Variants in ANKRD6 observed in about 807,000 individuals in gnomAD.
The protein encoded by ANKRD6 is ankyrin repeat domain 6.
Under a neutral mutation model 82.3 loss-of-function variants are expected in ANKRD6, and 56 were observed. The observed-to-expected ratio is 0.68, with a 90% confidence interval of 0.55 to 0.85. ANKRD6 has a LOEUF of 0.85. Ranked by LOEUF, ANKRD6 falls within the 40% of genes least tolerant of loss-of-function variation. The pLI, the probability that ANKRD6 is intolerant of heterozygous loss-of-function variation, is 0.00. For missense variants in ANKRD6, 852 were observed against 907.6 expected, an observed-to-expected ratio of 0.94 and a Z score of 0.79; for synonymous variants, 347 against 352.1, an observed-to-expected ratio of 0.99 and a Z score of 0.16.
chr6:89,480,663 G>C (rs1776677086), intron 1 of ANKRD6, among the ~76,000 whole-genome samples: 1 of 150,870 alleles, frequency 6.6e-6, no homozygotes, highest in Admixed American at 6.6e-5. Flanking sequence ...ATGCAAAGTT[G>C]GCTAGAAATA....
chr6:89,541,387 CT>C (rs58643589), intron 1 of ANKRD6, among the ~76,000 whole-genome samples: 4,903 of 63,580 alleles, frequency 0.077, 11 homozygotes, highest in Non-Finnish European at 0.087. Flanking sequence ...TTACGTGTGG[CT>C]TTTTTTTTTT....
chr6:89,525,337 T>C (rs931905797), intron 1 of ANKRD6, among the ~76,000 whole-genome samples: 1 of 148,196 alleles, frequency 6.7e-6, no homozygotes, highest in African/African-American at 2.5e-5. Flanking sequence ...GCTCCCTCCC[T>C]AAAGACCTGC....
At chr6:89,449,059 A>G (rs1200926025) in intron 1 of ANKRD6, among the ~76,000 whole-genome samples, 1 of 151,542 alleles carries the variant, frequency 6.6e-6, no homozygotes, top group Non-Finnish European at 1.5e-5. Context: ...AAAGAAATAC[A>G]TTTTGTAAGG....
At chr6:89,605,918 T>G in intron 4 of ANKRD6, 89 bp from the exon 5 acceptor site, 1 of 871,464 alleles carries the variant, frequency 1.1e-6, no homozygotes, top group African/African-American at 1.7e-5. Flanking sequence ...CGTCTGGTGT[T>G]CCGTAAAAAT....
intron 2 of ANKRD6, among the ~76,000 whole-genome samples, chr6:89,587,130 G>T (rs1211764711): frequency 1.3e-5 from 2 of 150,462 alleles, no homozygotes; most frequent in Non-Finnish European, 2.9e-5. Context: ...GGCATAGGTT[G>T]CAGTGAGTTG....
chr6:89,559,016 A>G (rs1413932612), intron 1 of ANKRD6, among the ~76,000 whole-genome samples: 1 of 152,244 alleles, frequency 6.6e-6, no homozygotes, highest in Non-Finnish European at 1.5e-5. Flanking sequence ...GCATAAAACC[A>G]TAATTATAAT....
intron 1 of ANKRD6, among the ~76,000 whole-genome samples, chr6:89,551,762 G>C (rs968826778): frequency 6.6e-6 from 1 of 152,210 alleles, no homozygotes; most frequent in African/African-American, 2.4e-5. Flanking sequence ...CCTGAAGACT[G>C]CTGAATCTCA....
intron 2 of ANKRD6, among the ~76,000 whole-genome samples, chr6:89,578,178 A>G (rs1791572800): frequency 6.6e-6 from 1 of 152,078 alleles, no homozygotes; most frequent in Non-Finnish European, 1.5e-5. Context: ...TCTCTCCACA[A>G]ATGTATGCTT....
chr6:89,531,751 C>G (rs1371523774), intron 1 of ANKRD6, among the ~76,000 whole-genome samples: 3 of 152,240 alleles, frequency 2.0e-5, no homozygotes, highest in African/African-American at 7.2e-5. Context: ...ACACTACCAC[C>G]TTGTCTCTCC....
At position 89,433,415 on chromosome 6, in the gene ANKRD6, A is replaced by T. The variant is rs1770198550; in HGVS notation, c.-144+40A>T. 6.6e-6 allele frequency: 1 copy of T among 152,116 alleles called. No individual in the cohort carries two copies. The highest frequency in any genetic ancestry group is 1.5e-5 in the Non-Finnish European group (1 of 68,014). The allele number at this position is 152,116 out of a possible 1,614,324, so 9.4% of individuals were successfully genotyped here. A position where few individuals can be genotyped will look rare whatever the true frequency, so the allele number is the denominator to read the frequency against. ...CGCCGGCTCCCTGGGACCCCCGCTT[A>T]CACCGGGGTGGGCGCCTCAGGTCGG... On this transcript the variant is annotated intron_variant, in intron 1 of 15. Transcript: ENST00000339746. The surrounding 1 kb of genome is among the most constrained non-coding windows in gnomAD (Gnocchi z 4.3).
chr6:89,570,075 G>GTA (rs1411123772), intron 2 of ANKRD6, among the ~76,000 whole-genome samples: 1 of 151,712 alleles, frequency 6.6e-6, no homozygotes, highest in African/African-American at 2.4e-5. Flanking sequence ...GTGTGTGTGT[G>GTA]TGTGTGTGTG....
chr6:89,556,149 G>C (rs1244064691), intron 1 of ANKRD6, among the ~76,000 whole-genome samples: 1 of 152,252 alleles, frequency 6.6e-6, no homozygotes, highest in Admixed American at 6.5e-5. Flanking sequence ...CTACTGCATT[G>C]CAGCTCAGCT....
chr6:89,565,188 T>C (rs1788206474), intron 1 of ANKRD6: 1 of 149,478 alleles, frequency 6.7e-6, no homozygotes, highest in Admixed American at 6.7e-5. Flanking sequence ...TATTCCTTCT[T>C]TTTTTTTTTG....
intron 2 of ANKRD6, among the ~76,000 whole-genome samples, chr6:89,591,157 G>A (rs1268172154): frequency 1.3e-5 from 2 of 152,236 alleles, no homozygotes; most frequent in African/African-American, 4.8e-5. Context: ...AGACTGAAGT[G>A]CAATGGTGCG....
chr6:89,581,921 CAG>C (rs1562914730), intron 2 of ANKRD6, among the ~76,000 whole-genome samples: 1 of 152,176 alleles, frequency 6.6e-6, no homozygotes, highest in Non-Finnish European at 1.5e-5. Context: ...CTGAAACAAA[CAG>C]GGCATTGAGG....
At chr6:89,434,885 C>G (rs61184298) in intron 1 of ANKRD6, among the ~76,000 whole-genome samples, 12,176 of 152,080 alleles carry the variant, frequency 0.08, 618 homozygotes, top group South Asian at 0.14. Context: ...TCATACTGGA[C>G]ATGGGGGAAG....
intron 5 of ANKRD6, among the ~76,000 whole-genome samples, chr6:89,608,204 A>G (rs1432439930): frequency 1.3e-5 from 2 of 152,074 alleles, no homozygotes; most frequent in African/African-American, 4.8e-5. Flanking sequence ...GGTCTGTAGC[A>G]GGGGCCTGAG....
At chr6:89,457,364 G>A (rs184506243) in intron 1 of ANKRD6, among the ~76,000 whole-genome samples, 1 of 152,298 alleles carries the variant, frequency 6.6e-6, no homozygotes, top group East Asian at 1.9e-4. Flanking sequence ...ATAAATTGGA[G>A]TGGTAAAAAG....
Position 89,487,887 on chromosome 6 carries a change from A to G in ANKRD6, c.-144+54512A>G, listed in dbSNP as rs147109829. Among the ~76,000 whole-genome samples, 15 of 152,360 alleles carry G rather than the reference A, an allele frequency of 9.8e-5. No homozygotes were observed. In the East Asian group the frequency reaches 2.9e-3, roughly 29 times the overall value. On this transcript the variant is annotated intron_variant, in intron 1 of 15. Coordinates refer to ENST00000339746, the MANE Select transcript of ANKRD6 (RefSeq NM_001242809.2). The stretch of plus-strand genomic sequence containing the variant: ...AAAGTGCATGAAATTAGCTACATAA[A>G]TTGTGAAATAGCAAGTCAGTCTTTT...
Sources: gnomAD v4.1 joint callset for allele counts (sites outside exome capture counted in the v4.1 genomes callset) on GRCh38, gnomAD v4.1.1 for gene constraint, Gnocchi (gnomAD v3.1) non-coding constraint, MANE v1.5 for transcripts, NCBI Gene and HGNC (gene_info 2026-07-23, HGNC 2026-07-21) for gene names.